NEDD4L: variants seen among roughly 807,000 people sequenced by gnomAD.
The protein encoded by NEDD4L is E3 ubiquitin-protein ligase NEDD4-like.
NEDD4L carries 54 observed loss-of-function variants against 148.9 expected under a neutral mutation model. The ratio of observed to expected loss-of-function variants is 0.36; its 90% confidence interval spans 0.29 to 0.45. The LOEUF (loss-of-function observed/expected upper bound fraction) is 0.45, where lower values mean the gene tolerates loss of function less well. Among genes scored for constraint, NEDD4L ranks in the 20% least tolerant of loss-of-function variants. The pLI is 1.00. For missense variants in NEDD4L, 856 were observed against 1,233.8 expected, an observed-to-expected ratio of 0.69 and a Z score of 4.59; for synonymous variants, 433 against 440.7, an observed-to-expected ratio of 0.98 and a Z score of 0.22.
intron 1 of NEDD4L, among the ~76,000 whole-genome samples, chr18:58,115,245 CTTTT>C (rs60541981): frequency 7.7e-6 from 1 of 129,538 alleles, no homozygotes; most frequent in Non-Finnish European, 1.6e-5. Flanking sequence ...TTCTTTCTTT[CTTTT>C]TTTTTTTTTT....
At chr18:58,142,213 ATT>A (rs146453037) in intron 1 of NEDD4L, among the ~76,000 whole-genome samples, 2 of 132,334 alleles carry the variant, frequency 1.5e-5, no homozygotes, top group East Asian at 2.0e-4. Flanking sequence ...CGCCCGGCTA[ATT>A]TTTTTTTTAT....
intron 2 of NEDD4L, among the ~76,000 whole-genome samples, chr18:58,224,471 G>A (rs2044134590): frequency 6.6e-6 from 1 of 152,196 alleles, no homozygotes; most frequent in Non-Finnish European, 1.5e-5. Flanking sequence ...AAATGGCGTG[G>A]CAGGCTTTAA....
intron 1 of NEDD4L, among the ~76,000 whole-genome samples, chr18:58,063,631 T>C (rs1406744169): frequency 6.6e-6 from 1 of 150,742 alleles, no homozygotes; most frequent in African/African-American, 2.4e-5. Flanking sequence ...AGTGGTGCGA[T>C]CTCGGCTCAC....
chr18:58,383,151 T>C (rs984920964), intron 24 of NEDD4L, 95 bp from the exon 25 acceptor site: 2 of 706,176 alleles, frequency 2.8e-6, no homozygotes, highest in African/African-American at 3.5e-5. Flanking sequence ...TCTGAATACA[T>C]GTTGTCTTCC....
chr18:58,383,379 T>G (rs1313436264), intron 25 of NEDD4L, 60 bp downstream of exon 25: 1 of 931,422 alleles, frequency 1.1e-6, no homozygotes, highest in Non-Finnish European at 1.7e-6. Flanking sequence ...GTTTGGTCAC[T>G]GTCCCTTGCT....
chr18:58,052,029 T>A (rs1409201194), intron 1 of NEDD4L, among the ~76,000 whole-genome samples: 1 of 152,210 alleles, frequency 6.6e-6, no homozygotes, highest in Non-Finnish European at 1.5e-5. Flanking sequence ...TGCTTGTTGC[T>A]GGAATATGGA....
intron 1 of NEDD4L, chr18:58,149,419 T>C: frequency 6.6e-7 from 1 of 1,513,492 alleles, no homozygotes; most frequent in South Asian, 1.3e-5. Flanking sequence ...CACCCGGCAG[T>C]GGAAAGTTAC....
chr18:58,180,833 T>C (rs2038778322), intron 2 of NEDD4L, among the ~76,000 whole-genome samples: 1 of 152,228 alleles, frequency 6.6e-6, no homozygotes, highest in African/African-American at 2.4e-5. Context: ...TCTGCCCATG[T>C]AAGTTCATTA....
chr18:58,193,157 A>G (rs2040299192), intron 2 of NEDD4L, among the ~76,000 whole-genome samples: 2 of 152,370 alleles, frequency 1.3e-5, no homozygotes, highest in Admixed American at 6.5e-5. Flanking sequence ...AATACTTTAT[A>G]TATGAGAATG....
intron 13 of NEDD4L, 79 bp downstream of exon 13, chr18:58,335,616 G>T (rs963794045): frequency 2.8e-6 from 3 of 1,070,308 alleles, no homozygotes; most frequent in Non-Finnish European, 1.5e-6. Flanking sequence ...GTGAATATAC[G>T]CTGTTTTTAA....
intron 1 of NEDD4L, among the ~76,000 whole-genome samples, chr18:58,084,125 T>A (rs915297772): frequency 6.6e-6 from 1 of 152,134 alleles, no homozygotes; most frequent in South Asian, 2.1e-4. Context: ...ACTGAACGAA[T>A]CCAGGCACAA....
intron 16 of NEDD4L, among the ~76,000 whole-genome samples, chr18:58,348,186 T>G (rs1464277156): frequency 1.3e-5 from 2 of 152,046 alleles, no homozygotes; most frequent in Non-Finnish European, 1.5e-5. Context: ...TTTGCAGAGA[T>G]ATGGTTTTGC....
intron 5 of NEDD4L, among the ~76,000 whole-genome samples, chr18:58,267,233 G>A (rs1348403420): frequency 6.6e-6 from 1 of 151,982 alleles, no homozygotes; most frequent in Non-Finnish European, 1.5e-5. Context: ...CTAATGGTTA[G>A]GTATTAGTCC....
chr18:58,351,035 T>C lies in NEDD4L; in HGVS notation c.1698T>C (p.Tyr566=). ...ERIHLDGRTF[Y]IDHNSKITQW... ...TTCACTTGGATGGCCGAACGTTTTA[T>C]ATTGATCATAGTAAGTAGGCGCTGT... Residue 566 remains tyrosine, a synonymous_variant, in exon 18 of 31, where the codon TAT becomes TAC. Coordinates refer to ENST00000400345, the MANE Select transcript of NEDD4L (RefSeq NM_001144967.3). 1 of 1,592,564 alleles carries C rather than the reference T, an allele frequency of 6.3e-7. No homozygotes were observed. The highest frequency in any genetic ancestry group is 8.6e-7 in the Non-Finnish European group (1 of 1,168,660).
intron 2 of NEDD4L, among the ~76,000 whole-genome samples, chr18:58,176,210 T>A (rs150359399): frequency 6.6e-6 from 1 of 152,046 alleles, no homozygotes; most frequent in Non-Finnish European, 1.5e-5. Context: ...ACTCTCCCCC[T>A]GTCTCCCTCC....
At chr18:58,099,741 C>T (rs1349109122) in intron 1 of NEDD4L, among the ~76,000 whole-genome samples, 2 of 152,264 alleles carry the variant, frequency 1.3e-5, no homozygotes, top group South Asian at 4.2e-4. Context: ...GAGGTAGACT[C>T]TAAGGGGTGT....
intron 5 of NEDD4L, among the ~76,000 whole-genome samples, chr18:58,313,103 T>G (rs2057886042): frequency 6.6e-6 from 1 of 152,248 alleles, no homozygotes; most frequent in Admixed American, 6.5e-5. Flanking sequence ...CATCTTCCAT[T>G]GACTGGTGAA....
intron 22 of NEDD4L, 35 bp from the exon 23 acceptor site, chr18:58,370,362 A>G: frequency 7.6e-7 from 1 of 1,310,556 alleles, no homozygotes; most frequent in Non-Finnish European, 1.1e-6. Context: ...AGTGTCAAAG[A>G]CCTGAAACTA....
chr18:58,221,277 GC>G (rs2147932163), intron 2 of NEDD4L, among the ~76,000 whole-genome samples: 1 of 152,204 alleles, frequency 6.6e-6, no homozygotes, highest in Admixed American at 6.5e-5. Flanking sequence ...AAGCAAAACA[GC>G]CCCGCCAGAC....
Sources: gnomAD v4.1 joint callset for allele counts (sites outside exome capture counted in the v4.1 genomes callset) on GRCh38, gnomAD v4.1.1 for gene constraint, MANE v1.5 for transcripts, NCBI Gene and HGNC (gene_info 2026-07-23, HGNC 2026-07-21) for gene names.